NNT: variants seen among roughly 807,000 people sequenced by gnomAD.
NNT encodes NAD(P) transhydrogenase, mitochondrial.
NNT carries 50 observed loss-of-function variants against 104.8 expected under a neutral mutation model. That is an observed-to-expected ratio of 0.48 (90% CI 0.38 to 0.60). NNT has a LOEUF of 0.60. Ranked by LOEUF, NNT falls within the 20% of genes least tolerant of loss-of-function variation. The pLI, the probability that NNT is intolerant of heterozygous loss-of-function variation, is 0.00. For missense variants in NNT, 1,131 were observed against 1,330.7 expected (o/e 0.85, Z 2.33); for synonymous variants, 461 against 490.4 (o/e 0.94, Z 0.79).
rs919908714 is a variant in NNT at position 43,637,043 on chromosome 5, G to A, written c.965-7149G>A. 2.0e-5 allele frequency among the ~76,000 whole-genome samples: 3 copies of A among 152,162 alleles called. No homozygotes were observed. The South Asian group carries it at 6.2e-4, about 31-fold the overall frequency. ...CAACTATTTGCCAGCCTGACTTTCT[G>A]TCTGGTTCCTTATACAAATAATTAT... On this transcript the variant is annotated intron_variant, in intron 7 of 21. Transcript: ENST00000344920.
chr5:43,648,386 T>C (rs958019433), intron 10 of NNT: 4 of 218,662 alleles, frequency 1.8e-5, no homozygotes, highest in African/African-American at 9.3e-5. Flanking sequence ...CACTTTCTTC[T>C]GTTGCAGAAC....
At chr5:43,615,399 A>G (rs1749735678) in intron 3 of NNT, among the ~76,000 whole-genome samples, 1 of 152,242 alleles carries the variant, frequency 6.6e-6, no homozygotes, top group African/African-American at 2.4e-5. Context: ...TTAATGTCTC[A>G]TCACTCCAAT....
intron 1 of NNT, among the ~76,000 whole-genome samples, chr5:43,607,934 ATTCT>A (rs1749311034): frequency 2.0e-5 from 2 of 98,166 alleles, no homozygotes; most frequent in African/African-American, 1.3e-4. Context: ...GCTGCTTTCT[ATTCT>A]TTTTTTTTTT....
rs1739607992 is a variant in NNT at position 43,649,027 on chromosome 5, T to C, written c.1445-120T>C. ...TCAAATGTCTAAAAAATCTGCTCAT[T>C]ACTGGCAAGGGAGTGGAATTTAAAA... On this transcript the variant is annotated intron_variant, in intron 10 of 21. Transcript: ENST00000344920. 39 of 1,153,568 alleles carry C rather than the reference T, an allele frequency of 3.4e-5. No individual in the cohort carries two copies. In the South Asian group the frequency reaches 5.5e-4, roughly 16 times the overall value. 71.5% of individuals were successfully genotyped at this position (1,153,568 alleles called of 1,614,324 possible). A position where few individuals can be genotyped will look rare whatever the true frequency, so the allele number is the denominator to read the frequency against.
Position 43,624,085 on chromosome 5 carries a change from G to A in NNT, c.741G>A (p.Lys247=). ...VAGLASAGAA[K]SMGAIVRGFD... is the part of the protein sequence containing the mutation. ...GGCTTGCTTCTGCAGGCGCAGCAAA[G>A]TCGATGGGTGCAATTGTTCGAGGAT... Residue 247 remains lysine (K), a synonymous_variant, in exon 6 of 22, where the codon AAG becomes AAA. Transcript: ENST00000344920. 1 of 1,614,198 alleles carries A rather than the reference G, an allele frequency of 6.2e-7. No homozygotes were observed. Among genetic ancestry groups the A allele is most frequent in the Admixed American group, 1.7e-5 (1 of 60,022 alleles).
intron 3 of NNT, 49 bp downstream of exon 3, chr5:43,613,186 A>T: frequency 7.1e-7 from 1 of 1,402,710 alleles, no homozygotes; most frequent in Non-Finnish European, 9.9e-7. Flanking sequence ...GACTTTTTGA[A>T]ATCTTTTCAT....
rs758886648 is a variant in NNT at position 43,675,629 on chromosome 5, T to C, written c.2753T>C (p.Ile918Thr). 6.2e-7 allele frequency: 1 copy of C among 1,610,668 alleles called. No individual in the cohort carries two copies. Among genetic ancestry groups the C allele is most frequent in the Middle Eastern group, 1.7e-4 (1 of 6,052 alleles). ...ACGGAAATCAACCTTGACAATGCAATTGACATGATTCGAGAAGCTAATAGC... is the reference window on the plus strand; with the variant it reads ...ACGGAAATCAACCTTGACAATGCAACTGACATGATTCGAGAAGCTAATAGC... ...THTEINLDNA[I>T]DMIREANSII... The change falls in exon 18 of 22, where the codon ATT becomes ACT. Residue 918 changes from isoleucine (I) to threonine (T), a missense_variant. Ile to Thr is a moderately conservative substitution (Grantham distance 89, BLOSUM62 -1). Transcript: ENST00000344920.
intron 19 of NNT, among the ~76,000 whole-genome samples, chr5:43,698,070 C>CT (rs1359272531): frequency 6.6e-6 from 1 of 151,458 alleles, no homozygotes; most frequent in African/African-American, 2.4e-5. Context: ...TGGAGTTTCT[C>CT]TTTGGATATA....
At position 43,645,505 on chromosome 5, in the gene NNT, C is replaced by T. The variant is rs1580026531; in HGVS notation, c.1439C>T (p.Thr480Ile). The T allele has an allele frequency of 3.3e-6, 5 of 1,517,166 alleles. No homozygotes were observed. The highest frequency in any genetic ancestry group is 4.4e-6 in the Non-Finnish European group (5 of 1,131,200). 94.0% of individuals were successfully genotyped at this position (1,517,166 alleles called of 1,614,324 possible). Residue 480 changes from threonine (T) to isoleucine (I), a missense_variant, in exon 10 of 22, where the codon ACA becomes ATA. Physicochemically the swap from Thr to Ile is moderately conservative, Grantham distance 89 (BLOSUM62 -1). Coordinates refer to ENST00000344920, the MANE Select transcript of NNT (RefSeq NM_182977.3). ...ACAATGTCAACGGCTTCTGCATATA[C>T]AGCAGGTGAGGATACCATTTACCAG... ...RKTMSTASAY[T>I]AGLTGILGLG...
At chr5:43,607,106 C>T (rs1286753236) in intron 1 of NNT, among the ~76,000 whole-genome samples, 7 of 151,866 alleles carry the variant, frequency 4.6e-5, no homozygotes, top group Non-Finnish European at 7.4e-5. Context: ...CAAGTTCAAG[C>T]GATTCTGGTG....
chr5:43,655,910 G>T lies in NNT; in HGVS notation c.2130G>T (p.Val710=). The T allele has an allele frequency of 6.2e-7, 1 of 1,614,190 alleles. No homozygotes were observed. ...PQLVAAFHSL[V]GLAAVLTCIA... The stretch of plus-strand genomic sequence containing the variant: ...TAGTTGCTGCTTTTCACAGTTTAGT[G>T]GGTTTGGCAGCTGTACTTACTTGCA... The change falls in exon 15 of 22, where the codon GTG becomes GTT. Residue 710 remains valine, a synonymous_variant. Transcript: ENST00000344920.
intron 4 of NNT, 38 bp downstream of exon 4, chr5:43,616,103 T>C (rs767799849): frequency 1.5e-5 from 23 of 1,533,902 alleles, no homozygotes; most frequent in Non-Finnish European, 2.0e-5. Context: ...AAAAGCGCAA[T>C]AGTGCTACAG....
intron 3 of NNT, among the ~76,000 whole-genome samples, chr5:43,614,784 T>C (rs1476088791): frequency 6.6e-6 from 1 of 152,268 alleles, no homozygotes; most frequent in Non-Finnish European, 1.5e-5. Context: ...AGGTTGATTT[T>C]AAACTTGGAT....
At chr5:43,685,429 T>G (rs1741931254) in intron 19 of NNT, among the ~76,000 whole-genome samples, 1 of 152,048 alleles carries the variant, frequency 6.6e-6, no homozygotes, top group Non-Finnish European at 1.5e-5. Context: ...GGACATAAAT[T>G]TTGCATGGTG....
chr5:43,632,420 A>G (rs988958911), intron 7 of NNT, among the ~76,000 whole-genome samples: 1 of 152,198 alleles, frequency 6.6e-6, no homozygotes, highest in African/African-American at 2.4e-5. Context: ...AACTTTACGG[A>G]GTTAGTAAAT....
chr5:43,685,380 A>G (rs1741928259), intron 19 of NNT, among the ~76,000 whole-genome samples: 1 of 152,164 alleles, frequency 6.6e-6, no homozygotes, highest in Non-Finnish European at 1.5e-5. Flanking sequence ...AATGTAAAAC[A>G]GAGTAAAATA....
intron 19 of NNT, among the ~76,000 whole-genome samples, chr5:43,694,269 A>C (rs769358732): frequency 5.3e-5 from 8 of 152,032 alleles, no homozygotes; most frequent in African/African-American, 1.4e-4. Context: ...GATGCTCTTT[A>C]TTTCTTTCTC....
rs1431220797 is a variant in NNT, at chr5:43,675,521, G to A, written c.2645G>A (p.Arg882His). Residue 882 changes from arginine (R) to histidine (H), a missense_variant, in exon 18 of 22, where the codon CGC becomes CAC. Transcript: ENST00000344920. ...AATTTGGCTTTCTAGGCAATGAATC[G>A]CTCCCTGGCTAATGTGATTCTTGGA... is the stretch of plus-strand genomic sequence containing the variant. ...LSYIMCVAMN[R>H]SLANVILGGY... The A allele has an allele frequency of 6.8e-6, 11 of 1,608,260 alleles. No homozygotes were observed. Among genetic ancestry groups the A allele is most frequent in the Non-Finnish European group, 9.3e-6 (11 of 1,178,092 alleles).
intron 17 of NNT, among the ~76,000 whole-genome samples, chr5:43,663,160 C>A (rs1740460818): frequency 6.6e-6 from 1 of 151,900 alleles, no homozygotes; most frequent in African/African-American, 2.4e-5. Flanking sequence ...ACAGATATTA[C>A]CATAGTCTAT....
Sources: gnomAD v4.1 joint callset for allele counts (sites outside exome capture counted in the v4.1 genomes callset) on GRCh38, gnomAD v4.1.1 for gene constraint, MANE v1.5 for transcripts, NCBI Gene and HGNC (gene_info 2026-07-23, HGNC 2026-07-21) for gene names.